The following EGLN1 variants were observed in gnomAD, a reference collection of about 807,000 sequenced individuals.
The protein encoded by EGLN1 is egl nine homolog 1.
EGLN1 carries 17 observed loss-of-function variants against 38.3 expected under a neutral mutation model. The ratio of observed to expected loss-of-function variants is 0.44; its 90% CI spans 0.30 to 0.67. The LOEUF is 0.67. Ranked by LOEUF, EGLN1 falls within the 30% of genes least tolerant of loss-of-function variation. The probability of loss-of-function intolerance (pLI) is 0.08; values close to 1 mark genes in which losing one functional copy is unlikely to be tolerated. For missense variants in EGLN1, 477 were observed against 603.3 expected, an observed-to-expected ratio of 0.79 and a Z score of 2.19; for synonymous variants, 283 against 257.5, an observed-to-expected ratio of 1.10 and a Z score of -0.95.
At chr1:231,367,449 TAA>T in intron 4 of EGLN1, 118 bp downstream of exon 4, 1 of 1,073,654 alleles carries the variant, frequency 9.3e-7, no homozygotes, top group Non-Finnish European at 1.4e-6. Context: ...AGAAATCTGA[TAA>T]AAAACAAAAA....
intron 1 of EGLN1, among the ~76,000 whole-genome samples, chr1:231,405,298 G>C (rs1688760390): frequency 6.6e-6 from 1 of 152,010 alleles, no homozygotes; most frequent in African/African-American, 2.4e-5. Context: ...TCAGTCTCCT[G>C]AGTAGCTGGG....
At chr1:231,392,366 A>G (rs2998427) in intron 1 of EGLN1, among the ~76,000 whole-genome samples, 82,912 of 152,080 alleles carry the variant, frequency 0.55, 24,218 homozygotes, top group Non-Finnish European at 0.65. Context: ...AATTTTAAAA[A>G]TTTTCCACTA....
intron 2 of EGLN1, 139 bp downstream of exon 2, chr1:231,373,841 T>G (rs1572020341): frequency 2.2e-6 from 2 of 918,180 alleles, no homozygotes; most frequent in East Asian, 5.2e-5. Context: ...AATCCACTCC[T>G]AATACCTGAG....
chr1:231,383,674 C>A (rs1572027515), intron 1 of EGLN1, among the ~76,000 whole-genome samples: 1 of 152,094 alleles, frequency 6.6e-6, no homozygotes, highest in Non-Finnish European at 1.5e-5. Context: ...AGGGATGGGG[C>A]AGGACAGACA....
At chr1:231,373,903 T>C in intron 2 of EGLN1, 77 bp downstream of exon 2, 1 of 1,535,218 alleles carries the variant, frequency 6.5e-7, no homozygotes, top group Non-Finnish European at 9.0e-7. Context: ...GACAGTCTTA[T>C]CAGAAGTATG....
chr1:231,375,756 C>T (rs1456506565), intron 1 of EGLN1, among the ~76,000 whole-genome samples: 1 of 152,122 alleles, frequency 6.6e-6, no homozygotes, highest in Admixed American at 6.5e-5. Flanking sequence ...TTTCTTGTCA[C>T]TAGCTACCCA....
chr1:231,414,895 C>A (rs2102940502), intron 1 of EGLN1, among the ~76,000 whole-genome samples: 1 of 152,134 alleles, frequency 6.6e-6, no homozygotes, highest in East Asian at 1.9e-4. Context: ...GCCACCATGC[C>A]TGGTTAATTT....
intron 1 of EGLN1, among the ~76,000 whole-genome samples, chr1:231,407,919 C>T (rs1397521224): frequency 6.6e-6 from 1 of 151,986 alleles, no homozygotes; most frequent in Non-Finnish European, 1.5e-5. Context: ...TTAAAAAGTC[C>T]CACTACAGTT....
intron 2 of EGLN1, among the ~76,000 whole-genome samples, chr1:231,372,025 G>A (rs1048008647): frequency 5.9e-5 from 9 of 152,168 alleles, no homozygotes; most frequent in African/African-American, 1.7e-4. Context: ...CCTCCAAACT[G>A]AGAACATGTC....
intron 1 of EGLN1, 132 bp downstream of exon 1, chr1:231,420,866 G>GA: frequency 6.4e-7 from 1 of 1,560,600 alleles, no homozygotes; most frequent in Non-Finnish European, 8.7e-7. Context: ...TCCTTACGGG[G>GA]AGCTACACAA....
At chr1:231,406,165 C>CAAAAAAAAAAAAAAAA (rs5781651) in intron 1 of EGLN1, among the ~76,000 whole-genome samples, 4 of 139,120 alleles carry the variant, frequency 2.9e-5, no homozygotes, top group African/African-American at 5.7e-5. Context: ...GACTCCGTCT[C>CAAAAAAAAAAAAAAAA]AAAAAAAAAA....
rs141042870 is a variant in EGLN1, at chr1:231,378,188, C to T, written c.892-4089G>A. Among the ~76,000 whole-genome samples the T allele has an allele frequency of 1.1e-3, 168 of 152,112 alleles. 2 individuals are homozygous for T. The highest frequency in any genetic ancestry group is 1.5e-3 in the Non-Finnish European group (102 of 68,010). ...TGCCAACCCAATTAACTTGCCAATA[C>T]CAGCCCCAGGAAAGGCAGCAGTTCA... On this transcript the variant is annotated intron_variant, in intron 1 of 4. Transcript: ENST00000366641.
chr1:231,394,079 T>C (rs1688457674), intron 1 of EGLN1, among the ~76,000 whole-genome samples: 1 of 152,220 alleles, frequency 6.6e-6, no homozygotes, highest in Admixed American at 6.5e-5. Flanking sequence ...TGTGGCTTCA[T>C]TTCTTTTCAT....
intron 1 of EGLN1, among the ~76,000 whole-genome samples, chr1:231,420,545 A>G (rs1222313704): frequency 1.3e-5 from 2 of 152,110 alleles, no homozygotes; most frequent in East Asian, 1.9e-4. Context: ...TTGACTCTCA[A>G]TCGAAATGTG....
intron 1 of EGLN1, among the ~76,000 whole-genome samples, chr1:231,396,214 G>T (rs1688525985): frequency 6.7e-6 from 1 of 149,370 alleles, no homozygotes. Context: ...TTCCTCTACT[G>T]ACCCAGGCAG....
chr1:231,391,054 G>A (rs1006666195), intron 1 of EGLN1, among the ~76,000 whole-genome samples: 3 of 112,614 alleles, frequency 2.7e-5, no homozygotes, highest in African/African-American at 8.9e-5. Flanking sequence ...CGACCGACGC[G>A]TGTGTGTGTG....
rs1021472173 is a variant in EGLN1, at chr1:231,422,038, C to T, written c.-150G>A. On this transcript the variant is annotated 5_prime_UTR_variant, in exon 1 of 5. The change creates a new upstream start codon in the 5' untranslated region. Coordinates refer to ENST00000366641, the MANE Select transcript of EGLN1 (RefSeq NM_022051.3). The stretch of plus-strand genomic sequence containing the variant: ...TACCCTCGCCTCAGGGAGGCCGGCA[C>T]CCCACGCCCTCGGCCCGGCCGCTTC... 2 of 846,126 alleles carry T rather than the reference C, an allele frequency of 2.4e-6. No individual in the cohort carries two copies. Among genetic ancestry groups the T allele is most frequent in the Non-Finnish European group, 3.2e-6 (2 of 622,550 alleles). The allele number at this position is 846,126 out of a possible 1,614,324, so 52.4% of individuals were successfully genotyped here. A position where few individuals can be genotyped will look rare whatever the true frequency, so the allele number is the denominator to read the frequency against.
In EGLN1 at chr1:231,421,133, T is replaced by C; in HGVS notation, c.756A>G (p.Arg252=). 2.5e-6 allele frequency: 4 copies of C among 1,614,172 alleles called. No individual in the cohort carries two copies. Among genetic ancestry groups the C allele is most frequent in the Non-Finnish European group, 3.4e-6 (4 of 1,180,026 alleles). The change falls in exon 1 of 5, where the codon CGA becomes CGG. Residue 252 remains arginine (R), a synonymous_variant. Transcript: ENST00000366641. This position sits in a 1 kb window ranked among gnomAD's most constrained non-coding sequence, Gnocchi z 5.5. The part of the protein sequence containing the change: ...SQKSDSSKDI[R]GDKITWIEGK... ...CCTCGATCCAGGTGATCTTATCGCC[T>C]CGGATGTCCTTGGACGAGTCACTCT...
intron 1 of EGLN1, among the ~76,000 whole-genome samples, chr1:231,378,988 C>T (rs1388829595): frequency 1.3e-5 from 2 of 152,156 alleles, no homozygotes; most frequent in South Asian, 2.1e-4. Flanking sequence ...TGGATTACCT[C>T]GGTCATTCTT....
Sources: gnomAD v4.1 joint callset for allele counts (sites outside exome capture counted in the v4.1 genomes callset) on GRCh38, gnomAD v4.1.1 for gene constraint, Gnocchi (gnomAD v3.1) non-coding constraint, MANE v1.5 for transcripts, NCBI Gene and HGNC (gene_info 2026-07-23, HGNC 2026-07-21) for gene names.